The following NOXRED1 variants were observed in gnomAD, a reference collection of about 807,000 sequenced individuals.
NOXRED1 encodes NADP-dependent oxidoreductase domain-containing protein 1.
Under a neutral mutation model 30.4 loss-of-function variants are expected in NOXRED1, and 20 were observed. That is an observed-to-expected ratio of 0.66 (90% CI 0.46 to 0.96). The LOEUF (loss-of-function observed/expected upper bound fraction) is 0.96, where lower values mean the gene tolerates loss of function less well. NOXRED1 is among the 40% of genes least tolerant of loss of function. NOXRED1 has a pLI of 0.00. For missense variants in NOXRED1, 374 were observed against 428.0 expected (o/e 0.87, Z 1.11); for synonymous variants, 155 against 168.0 (o/e 0.92, Z 0.60).
upstream of NOXRED1, among the ~76,000 whole-genome samples, chr14:77,424,379 C>T (rs1258512285): frequency 1.3e-5 from 2 of 152,162 alleles, no homozygotes; most frequent in Admixed American, 6.5e-5. Context: ...AGGAGAATTG[C>T]TTGAACCTGG....
chr14:77,399,552 A>G (rs1467428921), intron 5 of NOXRED1, among the ~76,000 whole-genome samples: 1 of 152,222 alleles, frequency 6.6e-6, no homozygotes, highest in Non-Finnish European at 1.5e-5. Flanking sequence ...ACCAAAAATA[A>G]ATACTACTCA....
intron 1 of NOXRED1, 104 bp from the exon 2 acceptor site, chr14:77,414,231 G>C (rs1179087556): frequency 2.9e-6 from 2 of 693,390 alleles, no homozygotes; most frequent in Non-Finnish European, 4.5e-6. Context: ...GCCCAGGTTA[G>C]AGTGCAATGG....
chr14:77,415,073 G>A (rs897463185), intron 1 of NOXRED1, among the ~76,000 whole-genome samples: 1 of 152,086 alleles, frequency 6.6e-6, no homozygotes, highest in African/African-American at 2.4e-5. Flanking sequence ...CTACCCAGGA[G>A]GCTGAGGTGG....
At chr14:77,411,688 C>A (rs1894656519) in intron 2 of NOXRED1, among the ~76,000 whole-genome samples, 1 of 152,088 alleles carries the variant, frequency 6.6e-6, no homozygotes, top group Admixed American at 6.6e-5. Context: ...CAAGTGGCAA[C>A]TTTTGGGGGT....
intron 2 of NOXRED1, among the ~76,000 whole-genome samples, chr14:77,410,278 CAAAAGAAA>C (rs1356391255): frequency 3.3e-5 from 5 of 151,440 alleles, no homozygotes; most frequent in Non-Finnish European, 7.4e-5. Context: ...ATTTATAAAC[CAAAAGAAA>C]AAAAGAAAAA....
intron 5 of NOXRED1, among the ~76,000 whole-genome samples, chr14:77,396,816 T>C (rs1353497562): frequency 6.6e-6 from 1 of 152,196 alleles, no homozygotes; most frequent in Admixed American, 6.5e-5. Flanking sequence ...ACTATATTAA[T>C]GAGTGGGAAA....
intron 5 of NOXRED1, among the ~76,000 whole-genome samples, chr14:77,396,337 C>A (rs372144418): frequency 5.4e-5 from 2 of 36,962 alleles, no homozygotes; most frequent in African/African-American, 4.2e-4. Flanking sequence ...ACAACCTCCG[C>A]CTCCTGGGTT....
chr14:77,407,788 T>C (rs1894518662), intron 2 of NOXRED1, 143 bp from the exon 3 acceptor site: 2 of 615,486 alleles, frequency 3.2e-6, no homozygotes, highest in Non-Finnish European at 5.7e-6. Context: ...TATTCCTTCC[T>C]ACAGACCTTC....
intron 1 of NOXRED1, among the ~76,000 whole-genome samples, chr14:77,414,566 A>G (rs1894762395): frequency 6.6e-6 from 1 of 152,222 alleles, no homozygotes; most frequent in Non-Finnish European, 1.5e-5. Context: ...GAGATAAGAC[A>G]TTTCAACTGT....
intron 1 of NOXRED1, among the ~76,000 whole-genome samples, chr14:77,419,707 C>T (rs953691200): frequency 1.3e-5 from 2 of 151,898 alleles, no homozygotes; most frequent in Non-Finnish European, 2.9e-5. Context: ...CTCAGCCTCC[C>T]AAAGTGCTGG....
chr14:77,398,940 G>A (rs968443261), intron 5 of NOXRED1, among the ~76,000 whole-genome samples: 6 of 152,048 alleles, frequency 3.9e-5, no homozygotes, highest in African/African-American at 1.5e-4. Flanking sequence ...TTGCACTCCA[G>A]CCTGGGCAAC....
At chr14:77,417,896 T>C (rs1270856743) in intron 1 of NOXRED1, among the ~76,000 whole-genome samples, 1 of 152,136 alleles carries the variant, frequency 6.6e-6, no homozygotes, top group Non-Finnish European at 1.5e-5. Context: ...ACTGATTTTT[T>C]TTTTTTGTAA....
upstream of NOXRED1, among the ~76,000 whole-genome samples, chr14:77,424,324 G>C (rs1895072909): frequency 6.6e-6 from 1 of 152,170 alleles, no homozygotes; most frequent in Non-Finnish European, 1.5e-5. Flanking sequence ...TATTAGCTGG[G>C]TGTGGTGGCA....
In NOXRED1 at chr14:77,394,277, T is replaced by A. The variant is rs190055875; in HGVS notation, c.*354A>T. Reference sequence around the variant, plus strand: ...GGCAAATGGATTGAAACTTGATTTATTGGAAAAGAAGCTGCAGTATGTAAT... The same window carrying A: ...GGCAAATGGATTGAAACTTGATTTAATGGAAAAGAAGCTGCAGTATGTAAT... On this transcript the variant is annotated 3_prime_UTR_variant, in exon 6 of 6. Transcript: ENST00000380835. The A allele has an allele frequency of 6.3e-6, 1 of 159,586 alleles. No homozygotes were observed. The highest frequency in any genetic ancestry group is 1.4e-5 in the Non-Finnish European group (1 of 73,028). 9.9% of individuals were successfully genotyped at this position (159,586 alleles called of 1,614,324 possible).
At chr14:77,415,310 C>CT (rs1021865169) in intron 1 of NOXRED1, among the ~76,000 whole-genome samples, 1 of 152,138 alleles carries the variant, frequency 6.6e-6, no homozygotes, top group African/African-American at 2.4e-5. Flanking sequence ...TAGCTGATGC[C>CT]TGTAATCCCA....
chr14:77,398,884 G>A (rs7145918), intron 5 of NOXRED1, among the ~76,000 whole-genome samples: 3,920 of 152,050 alleles, frequency 0.026, 177 homozygotes, highest in African/African-American at 0.09. Context: ...CAGGAGAATC[G>A]TTTGAACTCA....
chr14:77,425,373 G>GAT (rs1331735701), upstream of NOXRED1, among the ~76,000 whole-genome samples: 3 of 151,764 alleles, frequency 2.0e-5, no homozygotes, highest in Non-Finnish European at 4.4e-5. Flanking sequence ...ACAAACAGCA[G>GAT]ATATAGATTA....
At chr14:77,416,403 T>TCTTAA (rs1251416338) in intron 1 of NOXRED1, among the ~76,000 whole-genome samples, 3 of 152,156 alleles carry the variant, frequency 2.0e-5, no homozygotes, top group Non-Finnish European at 4.4e-5. Context: ...TGGTGATGAC[T>TCTTAA]CTTAAGGAGC....
In NOXRED1 at chr14:77,414,181, C is replaced by CT. The variant is rs10592368; in HGVS notation, c.156-55dup. 6.9e-4 allele frequency: 495 copies of CT among 717,912 alleles called. 1 individual carries two copies. In the African/African-American group the frequency reaches 8.7e-3, roughly 13 times the overall value. 44.5% of individuals were successfully genotyped at this position (717,912 alleles called of 1,614,324 possible). A position where few individuals can be genotyped will look rare whatever the true frequency, so the allele number is the denominator to read the frequency against. On this transcript the variant is annotated intron_variant, in intron 1 of 5. Coordinates refer to ENST00000380835, the MANE Select transcript of NOXRED1 (RefSeq NM_001113475.3). ...TAAATACATGCACACACTAGTTTTT[C>CT]TTTTTTTTTTTTTTTTTTGAGACAG...
Sources: allele counts gnomAD v4.1 joint callset (sites outside exome capture counted in the v4.1 genomes callset), GRCh38; gene constraint gnomAD v4.1.1; transcripts MANE v1.5; gene names NCBI Gene and HGNC (gene_info 2026-07-23, HGNC 2026-07-21).